Variants in KCNH5 observed in about 807,000 individuals in gnomAD.
KCNH5 encodes potassium voltage-gated channel subfamily H member 5.
In KCNH5, 46 loss-of-function variants were observed where a neutral mutation model predicts 96.1. That is an observed-to-expected ratio of 0.48 (90% confidence interval 0.38 to 0.61). The LOEUF (loss-of-function observed/expected upper bound fraction) is 0.61. Ranked by LOEUF, KCNH5 falls within the 20% of genes least tolerant of loss-of-function variation. The pLI is 0.00. For synonymous variants in KCNH5, 439 were observed against 449.8 expected (o/e 0.98, Z 0.30); for missense variants, 907 against 1,225.8 (o/e 0.74, Z 3.88).
intron 6 of KCNH5, among the ~76,000 whole-genome samples, chr14:62,980,393 AT>A (rs1405903758): frequency 6.6e-6 from 1 of 152,212 alleles, no homozygotes; most frequent in African/African-American, 2.4e-5. Flanking sequence ...CATTGTTATC[AT>A]ATGTGTCTTG....
At chr14:62,955,135 A>C (rs1434936482) in intron 6 of KCNH5, among the ~76,000 whole-genome samples, 1 of 151,942 alleles carries the variant, frequency 6.6e-6, no homozygotes, top group East Asian at 1.9e-4. Context: ...ATGTGAAAGG[A>C]ACTGGAAAAA....
intron 10 of KCNH5, among the ~76,000 whole-genome samples, chr14:62,732,392 TCA>T (rs1326429830): frequency 6.6e-6 from 1 of 152,186 alleles, no homozygotes; most frequent in Admixed American, 6.5e-5. Context: ...CTTTTCTGCA[TCA>T]GTTATATCCT....
intron 1 of KCNH5, among the ~76,000 whole-genome samples, chr14:63,027,243 C>A (rs1394997271): frequency 6.6e-6 from 1 of 151,808 alleles, no homozygotes; most frequent in Non-Finnish European, 1.5e-5. Flanking sequence ...TTCAGTTAGA[C>A]AGAAGGAATA....
intron 7 of KCNH5, among the ~76,000 whole-genome samples, chr14:62,864,975 G>T (rs942811144): frequency 6.6e-6 from 1 of 152,168 alleles, no homozygotes; most frequent in South Asian, 2.1e-4. Context: ...CAACAGAGGA[G>T]CCTATTTTAG....
intron 7 of KCNH5, among the ~76,000 whole-genome samples, chr14:62,934,297 A>G (rs1889637584): frequency 6.6e-6 from 1 of 152,028 alleles, no homozygotes; most frequent in South Asian, 2.1e-4. Flanking sequence ...ACACACTTAT[A>G]TAGTTTTGTT....
chr14:62,740,526 G>T (rs1051935246), intron 10 of KCNH5, among the ~76,000 whole-genome samples: 1 of 152,018 alleles, frequency 6.6e-6, no homozygotes, highest in Admixed American at 6.6e-5. Flanking sequence ...ACGGCACTCC[G>T]AAAAACTTCC....
At chr14:63,002,585 C>G (rs1299085434) in intron 3 of KCNH5, among the ~76,000 whole-genome samples, 1 of 152,124 alleles carries the variant, frequency 6.6e-6, no homozygotes, top group Non-Finnish European at 1.5e-5. Flanking sequence ...TAGCCTTTTA[C>G]TAGCTTCCAT....
At chr14:62,712,458 C>T in intron 10 of KCNH5, 1 of 589,816 alleles carries the variant, frequency 1.7e-6, no homozygotes, top group Non-Finnish European at 3.0e-6. Context: ...TCTTTTATCA[C>T]AGAGAAGCAA....
rs188949750 is a variant in KCNH5, at chr14:62,744,099, T to C, written c.2019+35629A>G. 1.6e-3 allele frequency among the ~76,000 whole-genome samples: 237 copies of C among 152,304 alleles called. 1 individual carries two copies. The highest frequency in any genetic ancestry group is 2.7e-3 in the Non-Finnish European group (185 of 68,028). ...CCTGCTTATTAACTTCAGATTTGTA[T>C]GACTACTGATATTTTAAAAATACCT... On this transcript the variant is annotated intron_variant, in intron 10 of 10. Transcript: ENST00000322893.
chr14:62,765,917 G>A (rs1885850200), intron 10 of KCNH5, among the ~76,000 whole-genome samples: 1 of 152,068 alleles, frequency 6.6e-6, no homozygotes, highest in African/African-American at 2.4e-5. Context: ...CTCACAGAAT[G>A]GGAGAAAATA....
intron 1 of KCNH5, among the ~76,000 whole-genome samples, chr14:63,039,340 G>C (rs186618472): frequency 2.0e-5 from 3 of 152,002 alleles, no homozygotes; most frequent in Admixed American, 1.3e-4. Context: ...AAACAATTTA[G>C]CTCTGTATTT....
intron 7 of KCNH5, among the ~76,000 whole-genome samples, chr14:62,943,391 T>C (rs182331235): frequency 1.3e-5 from 2 of 152,300 alleles, no homozygotes; most frequent in East Asian, 1.9e-4. Flanking sequence ...CCACGTACTA[T>C]GGTGCCTTCT....
intron 10 of KCNH5, among the ~76,000 whole-genome samples, chr14:62,721,537 A>G (rs1030639282): frequency 2.1e-4 from 32 of 151,590 alleles, no homozygotes; most frequent in Admixed American, 5.9e-4. Flanking sequence ...TGGCAAATAG[A>G]TTGGCAACTG....
chr14:62,926,827 T>C (rs569768484), intron 7 of KCNH5, among the ~76,000 whole-genome samples: 14 of 152,172 alleles, frequency 9.2e-5, no homozygotes, highest in African/African-American at 2.4e-4. Context: ...ACACATGAAA[T>C]TGAGGGAGAC....
chr14:62,960,125 T>A (rs758462289), intron 6 of KCNH5, among the ~76,000 whole-genome samples: 1 of 152,204 alleles, frequency 6.6e-6, no homozygotes, highest in Admixed American at 6.5e-5. Context: ...ACAGGGATTA[T>A]GCACTTGCTG....
chr14:63,024,167 C>G (rs1313615263), intron 1 of KCNH5, among the ~76,000 whole-genome samples: 1 of 150,798 alleles, frequency 6.6e-6, no homozygotes, highest in Non-Finnish European at 1.5e-5. Flanking sequence ...CGAGATCATG[C>G]CACTGCACTC....
intron 7 of KCNH5, among the ~76,000 whole-genome samples, chr14:62,879,386 A>C (rs1271268785): frequency 6.6e-6 from 1 of 152,168 alleles, no homozygotes; most frequent in Non-Finnish European, 1.5e-5. Flanking sequence ...ATCATGTACA[A>C]ATAATTTGTT....
intron 8 of KCNH5, among the ~76,000 whole-genome samples, chr14:62,845,725 C>T (rs1032209790): frequency 2.0e-5 from 3 of 150,522 alleles, no homozygotes; most frequent in South Asian, 2.1e-4. Context: ...GTAGTGTTTC[C>T]GTTAATTTCA....
At chr14:62,828,602 T>C (rs907072455) in intron 8 of KCNH5, among the ~76,000 whole-genome samples, 1 of 152,120 alleles carries the variant, frequency 6.6e-6, no homozygotes, top group Non-Finnish European at 1.5e-5. Context: ...TTGTGAGAAC[T>C]CACTCACTGT....
Sources: gnomAD v4.1 joint callset for allele counts (sites outside exome capture counted in the v4.1 genomes callset) on GRCh38, gnomAD v4.1.1 for gene constraint, MANE v1.5 for transcripts, NCBI Gene and HGNC (gene_info 2026-07-23, HGNC 2026-07-21) for gene names.